PRKCB: variants seen among roughly 807,000 people sequenced by gnomAD.
PRKCB encodes the protein protein kinase C beta type.
Under a neutral mutation model 81.5 loss-of-function variants are expected in PRKCB, and 13 were observed. That is an observed-to-expected ratio of 0.16 (90% confidence interval 0.10 to 0.25). PRKCB has a LOEUF of 0.25. Among genes scored for constraint, PRKCB ranks in the 10% least tolerant of loss-of-function variants. The pLI is 1.00. For missense variants in PRKCB, 509 were observed against 875.7 expected (o/e 0.58, Z 5.29); for synonymous variants, 335 against 321.4 (o/e 1.04, Z -0.45).
intron 16 of PRKCB, among the ~76,000 whole-genome samples, chr16:24,200,998 T>G (rs970963510): frequency 2.6e-5 from 4 of 152,178 alleles, no homozygotes; most frequent in African/African-American, 7.2e-5. Context: ...TGAGGAAGAT[T>G]GAGGCCCATG....
At chr16:24,053,860 A>G (rs1965872197) in intron 5 of PRKCB, among the ~76,000 whole-genome samples, 1 of 152,162 alleles carries the variant, frequency 6.6e-6, no homozygotes, top group Admixed American at 6.5e-5. Flanking sequence ...AGCGGAGGAA[A>G]CAGAGAGGCA....
chr16:23,968,727 C>T (rs372916181), intron 2 of PRKCB, among the ~76,000 whole-genome samples: 1 of 152,150 alleles, frequency 6.6e-6, no homozygotes, highest in Admixed American at 6.5e-5. Flanking sequence ...ACAAGCAGCA[C>T]GTAACTCTCA....
At chr16:24,133,148 C>A (rs191668748) in intron 9 of PRKCB, among the ~76,000 whole-genome samples, 1 of 152,188 alleles carries the variant, frequency 6.6e-6, no homozygotes, top group East Asian at 1.9e-4. Flanking sequence ...GAGGCCAAGG[C>A]AGGAGGATCA....
At chr16:23,884,751 G>T (rs1963172707) in intron 2 of PRKCB, among the ~76,000 whole-genome samples, 2 of 151,878 alleles carry the variant, frequency 1.3e-5, no homozygotes, top group Non-Finnish European at 2.9e-5. Context: ...GTGTTGCCCA[G>T]ACTGGTCTCA....
intron 7 of PRKCB, among the ~76,000 whole-genome samples, chr16:24,105,268 G>C (rs677067): frequency 0.44 from 66,701 of 151,930 alleles, 16,070 homozygotes; most frequent in Non-Finnish European, 0.54. Flanking sequence ...TGTTGGCCAG[G>C]CTGGTCTCGA....
At chr16:24,180,677 C>A in intron 12 of PRKCB, 113 bp from the exon 13 acceptor site, 1 of 1,309,286 alleles carries the variant, frequency 7.6e-7, no homozygotes, top group Non-Finnish European at 1.1e-6. Flanking sequence ...TTTCTACTGA[C>A]CTTTGTGCCC....
At position 24,192,110 on chromosome 16, in the gene PRKCB, G is replaced by A. The variant is rs577180992; in HGVS notation, c.1863+880G>A. The stretch of plus-strand genomic sequence containing the variant: ...AACGTTGTAAGGGTTTGAGTGTTAA[G>A]ATGAAGAAGATAATAATGGTAGTTA... On this transcript the variant is annotated intron_variant, in intron 16 of 16. Coordinates refer to ENST00000643927, the MANE Select transcript of PRKCB (RefSeq NM_002738.7). Among the ~76,000 whole-genome samples, 5 of 152,350 alleles carry A rather than the reference G, an allele frequency of 3.3e-5. No individual in the cohort carries two copies. In the East Asian group the frequency reaches 9.6e-4, roughly 29 times the overall value.
chr16:24,016,251 T>C (rs1371114753), intron 3 of PRKCB, among the ~76,000 whole-genome samples: 1 of 152,086 alleles, frequency 6.6e-6, no homozygotes, highest in Non-Finnish European at 1.5e-5. Flanking sequence ...GTATTCCCCA[T>C]CAAAATCGTG....
chr16:23,956,268 C>T (rs1964348004), intron 2 of PRKCB, among the ~76,000 whole-genome samples: 1 of 152,086 alleles, frequency 6.6e-6, no homozygotes. Context: ...CAGGCACGCG[C>T]CACCACGTCC....
chr16:24,158,299 A>G (rs774749398), intron 10 of PRKCB, among the ~76,000 whole-genome samples: 7 of 152,132 alleles, frequency 4.6e-5, no homozygotes, highest in Non-Finnish European at 1.0e-4. Flanking sequence ...GCATAAATTA[A>G]ATTTATTTTC....
intron 2 of PRKCB, among the ~76,000 whole-genome samples, chr16:23,978,648 G>A (rs774550722): frequency 2.0e-5 from 3 of 152,218 alleles, no homozygotes; most frequent in Non-Finnish European, 2.9e-5. Context: ...TGGGGCAGTG[G>A]AGTGACAAGA....
chr16:23,989,022 G>A (rs1454932750), intron 3 of PRKCB, among the ~76,000 whole-genome samples: 5 of 152,050 alleles, frequency 3.3e-5, no homozygotes, highest in African/African-American at 9.7e-5. Flanking sequence ...GTGCAGTGGA[G>A]CAATCTCAGC....
At chr16:23,857,288 G>A (rs1962584271) in intron 2 of PRKCB, among the ~76,000 whole-genome samples, 1 of 152,230 alleles carries the variant, frequency 6.6e-6, no homozygotes, top group African/African-American at 2.4e-5. Flanking sequence ...CTCCTGCAGA[G>A]AGAAGGAGCT....
intron 2 of PRKCB, among the ~76,000 whole-genome samples, chr16:23,905,274 G>T (rs540007102): frequency 6.6e-6 from 1 of 151,964 alleles, no homozygotes; most frequent in African/African-American, 2.4e-5. Context: ...TTACTCATTC[G>T]TGTCGTTAAA....
chr16:23,859,038 G>A (rs955126280), intron 2 of PRKCB, among the ~76,000 whole-genome samples: 3 of 152,196 alleles, frequency 2.0e-5, no homozygotes, highest in Non-Finnish European at 4.4e-5. Context: ...GGCTGAGGTG[G>A]GAGGATCCCT....
intron 2 of PRKCB, among the ~76,000 whole-genome samples, chr16:23,961,595 G>A (rs930803573): frequency 4.6e-5 from 7 of 152,166 alleles, no homozygotes; most frequent in Non-Finnish European, 1.0e-4. Context: ...CCTGTGTTGA[G>A]TGATGTATAC....
rs775905215 is a variant in PRKCB, at chr16:23,875,497, A to ATTATG, written c.205+38092_205+38093insTATGT. On this transcript the variant is annotated intron_variant, in intron 2 of 16. Transcript: ENST00000643927. ...ACTAAAAAGATATATATATATATAT[A>ATTATG]TATATATATGATGTATATCACACAC... 1.4e-3 allele frequency among the ~76,000 whole-genome samples: 152 copies of ATTATG among 109,726 alleles called. 17 individuals carry two copies. The highest frequency in any genetic ancestry group is 6.3e-3 in the Middle Eastern group (1 of 160). 72.0% of individuals were successfully genotyped at this position (109,726 alleles called of 152,430 possible). A position where few individuals can be genotyped will look rare whatever the true frequency, so the allele number is the denominator to read the frequency against.
At chr16:23,867,321 C>G (rs1017406808) in intron 2 of PRKCB, among the ~76,000 whole-genome samples, 1 of 152,118 alleles carries the variant, frequency 6.6e-6, no homozygotes, top group Non-Finnish European at 1.5e-5. Context: ...GGGGTTTCGC[C>G]ATGTTGGCCA....
chr16:23,899,032 G>A (rs556826391), intron 2 of PRKCB, among the ~76,000 whole-genome samples: 25 of 152,290 alleles, frequency 1.6e-4, no homozygotes, highest in African/African-American at 5.3e-4. Context: ...GAATGGTATT[G>A]GGTGAGAAAA....
Sources: allele counts gnomAD v4.1 joint callset (sites outside exome capture counted in the v4.1 genomes callset), GRCh38; gene constraint gnomAD v4.1.1; transcripts MANE v1.5; gene names NCBI Gene and HGNC (gene_info 2026-07-23, HGNC 2026-07-21).